PSMA3: variants seen among roughly 807,000 people sequenced by gnomAD.
PSMA3 encodes proteasome 20S subunit alpha 3.
A neutral mutation model predicts 40.0 loss-of-function variants in PSMA3; 8 were observed. The ratio of observed to expected loss-of-function variants is 0.20; its 90% CI spans 0.12 to 0.36. The LOEUF (loss-of-function observed/expected upper bound fraction) is 0.36. PSMA3 is among the 10% of genes least tolerant of loss of function. The pLI, the probability that PSMA3 is intolerant of heterozygous loss-of-function variation, is 1.00. For missense variants in PSMA3, 219 were observed against 310.6 expected, an observed-to-expected ratio of 0.70 and a Z score of 2.22; for synonymous variants, 110 against 100.0, an observed-to-expected ratio of 1.10 and a Z score of -0.59.
intron 8 of PSMA3, among the ~76,000 whole-genome samples, chr14:58,269,033 C>G (rs1890532429): frequency 6.6e-6 from 1 of 152,018 alleles, no homozygotes. Flanking sequence ...CTCCCGTGTT[C>G]AAGCAATTCT....
At chr14:58,257,882 G>GT in intron 4 of PSMA3, 36 bp downstream of exon 4, 1 of 1,611,792 alleles carries the variant, frequency 6.2e-7, no homozygotes, top group East Asian at 2.2e-5. Context: ...CTTTTGGACA[G>GT]TAATAGAAGT....
At chr14:58,252,005 T>G in intron 2 of PSMA3, 114 bp from the exon 3 acceptor site, 1 of 1,033,634 alleles carries the variant, frequency 9.7e-7, no homozygotes. Context: ...TTCAAATGTT[T>G]TAAGGTATTT....
Position 58,271,922 on chromosome 14 carries a change from TA to T in PSMA3, c.*30del. 1 of 1,508,892 alleles carries T rather than the reference TA, an allele frequency of 6.6e-7. No homozygotes were observed. The highest frequency in any genetic ancestry group is 9.2e-7 in the Non-Finnish European group (1 of 1,086,138). The allele number at this position is 1,508,892 out of a possible 1,614,324, so 93.5% of individuals were successfully genotyped here. A position where few individuals can be genotyped will look rare whatever the true frequency, so the allele number is the denominator to read the frequency against. ...ATTTACTCCAGCATCTATTGTATTT[TA>T]AATTTCTACTCCAGTCCAATGTAAC... On this transcript the variant is annotated 3_prime_UTR_variant, in exon 11 of 11. Coordinates refer to ENST00000216455, the MANE Select transcript of PSMA3 (RefSeq NM_002788.4).
chr14:58,255,797 G>T (rs959439710), intron 3 of PSMA3, among the ~76,000 whole-genome samples: 5 of 152,294 alleles, frequency 3.3e-5, no homozygotes, highest in South Asian at 4.1e-4. Flanking sequence ...ACACTAACAT[G>T]TGATTTCACT....
At position 58,250,220 on chromosome 14, in the gene PSMA3, C is replaced by CA. The variant is rs10634649; in HGVS notation, c.105-1883dup. ...GGGCAACAGAGCGAGACTCCATCTC[C>CA]AAAAAAAAAAAAAAAATAGGGACAG... On this transcript the variant is annotated intron_variant, in intron 2 of 10. Coordinates refer to ENST00000216455, the MANE Select transcript of PSMA3 (RefSeq NM_002788.4). Among the ~76,000 whole-genome samples, 166 of 93,022 alleles carry CA rather than the reference C, an allele frequency of 1.8e-3. 2 individuals carry two copies. The highest frequency in any genetic ancestry group is 5.5e-3 in the East Asian group (19 of 3,470). The allele number at this position is 93,022 out of a possible 152,430, so 61.0% of individuals were successfully genotyped here.
At chr14:58,253,954 T>C (rs1364495741) in intron 3 of PSMA3, among the ~76,000 whole-genome samples, 3 of 152,080 alleles carry the variant, frequency 2.0e-5, no homozygotes, top group Non-Finnish European at 2.9e-5. Flanking sequence ...ACATTTTCTT[T>C]TTACTGTTTT....
At chr14:58,267,372 G>C (rs1394252081) in intron 7 of PSMA3, 102 bp from the exon 8 acceptor site, 1 of 1,293,908 alleles carries the variant, frequency 7.7e-7, no homozygotes, top group Non-Finnish European at 9.9e-7. Context: ...CAGACTTTAG[G>C]TTATTTTCCT....
chr14:58,250,321 C>T (rs1276003363), intron 2 of PSMA3, among the ~76,000 whole-genome samples: 2 of 151,948 alleles, frequency 1.3e-5, no homozygotes, highest in Non-Finnish European at 2.9e-5. Context: ...TTCCAAAGTC[C>T]TGAGGTTACA....
At chr14:58,249,591 C>A (rs1158182229) in intron 2 of PSMA3, among the ~76,000 whole-genome samples, 1 of 152,098 alleles carries the variant, frequency 6.6e-6, no homozygotes, top group African/African-American at 2.4e-5. Flanking sequence ...CAGCTTACTG[C>A]AGACTCGACC....
chr14:58,250,144 C>T (rs1889974613), intron 2 of PSMA3, among the ~76,000 whole-genome samples: 2 of 142,190 alleles, frequency 1.4e-5, no homozygotes, highest in Admixed American at 7.7e-5. Flanking sequence ...CACTTGAACC[C>T]GGGAGATGGA....
chr14:58,252,002 G>C, intron 2 of PSMA3, 117 bp from the exon 3 acceptor site: 2 of 1,000,040 alleles, frequency 2.0e-6, no homozygotes, highest in Non-Finnish European at 2.9e-6. Flanking sequence ...GTTTTCAAAT[G>C]TTTTAAGGTA....
At chr14:58,261,058 T>G (rs752025030) in intron 6 of PSMA3, 38 bp downstream of exon 6, 1 of 1,382,208 alleles carries the variant, frequency 7.2e-7, no homozygotes, top group East Asian at 2.3e-5. Context: ...CTATTTTAGT[T>G]TAATGGTATT....
At chr14:58,253,236 G>A (rs1415026334) in intron 3 of PSMA3, among the ~76,000 whole-genome samples, 3 of 152,026 alleles carry the variant, frequency 2.0e-5, no homozygotes, top group Non-Finnish European at 2.9e-5. Flanking sequence ...CCATCTGCCC[G>A]CCTCAGCCTC....
intron 3 of PSMA3, among the ~76,000 whole-genome samples, chr14:58,256,496 C>T (rs1454063047): frequency 1.3e-5 from 2 of 149,296 alleles, no homozygotes; most frequent in African/African-American, 5.0e-5. Context: ...CTCACTGCAA[C>T]TTCCGCCTCC....
intron 6 of PSMA3, 93 bp downstream of exon 6, chr14:58,261,113 A>C (rs1014616406): frequency 1.4e-5 from 12 of 882,704 alleles, no homozygotes; most frequent in Non-Finnish European, 1.9e-5. Context: ...GAAATTAAAA[A>C]AAAACTCATT....
At chr14:58,255,769 C>CA (rs912448162) in intron 3 of PSMA3, among the ~76,000 whole-genome samples, 7 of 151,050 alleles carry the variant, frequency 4.6e-5, no homozygotes, top group African/African-American at 1.7e-4. Flanking sequence ...AACTCCATCT[C>CA]AAAAAAAAAG....
intron 5 of PSMA3, among the ~76,000 whole-genome samples, chr14:58,260,071 A>G (rs879546071): frequency 6.6e-6 from 1 of 152,190 alleles, no homozygotes; most frequent in African/African-American, 2.4e-5. Context: ...ATATAAGATG[A>G]TGTGTAAGAT....
chr14:58,247,263 A>G (rs1889902903), intron 1 of PSMA3, among the ~76,000 whole-genome samples: 2 of 152,158 alleles, frequency 1.3e-5, no homozygotes, highest in African/African-American at 4.8e-5. Context: ...TTACTGCTGT[A>G]CCTCTAGCAC....
chr14:58,246,296 A>G (rs1475342331), intron 1 of PSMA3, among the ~76,000 whole-genome samples: 1 of 152,230 alleles, frequency 6.6e-6, no homozygotes, highest in African/African-American at 2.4e-5. Context: ...TGCATCTACT[A>G]CAGTCTTCAG....
Sources: gnomAD v4.1 joint callset for allele counts (sites outside exome capture counted in the v4.1 genomes callset) on GRCh38, gnomAD v4.1.1 for gene constraint, MANE v1.5 for transcripts, NCBI Gene and HGNC (gene_info 2026-07-23, HGNC 2026-07-21) for gene names.